SBNO2: variants seen among roughly 807,000 people sequenced by gnomAD.
SBNO2 encodes the protein strawberry notch homolog 2.
Under a neutral mutation model 146.3 loss-of-function variants are expected in SBNO2, and 89 were observed. The ratio of observed to expected loss-of-function variants is 0.61; its 90% CI spans 0.51 to 0.73. The LOEUF (loss-of-function observed/expected upper bound fraction) is 0.73, where lower values mean the gene tolerates loss of function less well. Ranked by LOEUF, SBNO2 falls within the 30% of genes least tolerant of loss-of-function variation. SBNO2 has a pLI of 0.00. For missense variants in SBNO2, 2,092 were observed against 2,003.7 expected, an observed-to-expected ratio of 1.04 and a Z score of -0.84; for synonymous variants, 1,147 against 892.6, an observed-to-expected ratio of 1.29 and a Z score of -5.08.
Position 1,114,292 on chromosome 19 carries a change from C to T in SBNO2, c.2016G>A (p.Glu672=). 1 of 1,553,138 alleles carries T rather than the reference C, an allele frequency of 6.4e-7. No homozygotes were observed. The highest frequency in any genetic ancestry group is 8.7e-7 in the Non-Finnish European group (1 of 1,148,396). The part of the protein sequence containing the change: ...GLDSDFNSSP[E]SLVDDDVVIV... ...TGACAACGTCGTCATCCACCAGGGA[C>T]TCGGGGGAGGAGTTGAAGTCGCTGT... The change falls in exon 18 of 32, where the codon GAG becomes GAA. Residue 672 remains glutamate (E), a synonymous_variant. Coordinates refer to ENST00000361757, the MANE Select transcript of SBNO2 (RefSeq NM_014963.3).
Position 1,113,607 on chromosome 19 carries a change from C to G in SBNO2, c.2175G>C (p.Leu725=), listed in dbSNP as rs1438769116. Residue 725 remains leucine, a synonymous_variant, in exon 19 of 32, where the codon CTG becomes CTC. Transcript: ENST00000361757. ...GGGTGTTGACTGGCAGTTCCCGGCC[C>G]AGCCGCCGCACTTTGTCCAGCAGAT... ...KQDLLDKVRR[L]GRELPVNTLD... 3 of 1,597,928 alleles carry G rather than the reference C, an allele frequency of 1.9e-6. No individual in the cohort carries two copies. The highest frequency in any genetic ancestry group is 2.6e-6 in the Non-Finnish European group (3 of 1,174,350).
intron 1 of SBNO2, among the ~76,000 whole-genome samples, chr19:1,161,400 G>C (rs1368808850): frequency 1.3e-5 from 1 of 76,944 alleles, no homozygotes; most frequent in Admixed American, 1.2e-4. Context: ...CCTGAGTACT[G>C]GGTACTGGGG....
intron 3 of SBNO2, among the ~76,000 whole-genome samples, chr19:1,147,745 G>C (rs991516784): frequency 2.6e-5 from 4 of 152,034 alleles, no homozygotes; most frequent in African/African-American, 9.7e-5. Flanking sequence ...GGTTCATTCT[G>C]GCGATTCAGA....
At chr19:1,165,242 A>T (rs1364943931) in intron 1 of SBNO2, among the ~76,000 whole-genome samples, 1 of 152,094 alleles carries the variant, frequency 6.6e-6, no homozygotes, top group Non-Finnish European at 1.5e-5. Context: ...CCACAGCCCC[A>T]CCAGGCATGG....
At chr19:1,156,840 G>C (rs1676408027) in intron 1 of SBNO2, among the ~76,000 whole-genome samples, 2 of 108,452 alleles carry the variant, frequency 1.8e-5, no homozygotes, top group South Asian at 6.9e-4. Flanking sequence ...GGGCGACCCT[G>C]CACCCGGGGC....
Position 1,147,429 on chromosome 19 carries a change from A to ACG in SBNO2, c.168-10_168-9insCG. ...CGGAGCTCATGAACGGGCTGGAGGG[A>ACG]GATGGGGGGGGGGGAGGTGAGATGG... On this transcript the variant is annotated splice_polypyrimidine_tract_variant and intron_variant, in intron 3 of 31. Transcript: ENST00000361757. The ACG allele has an allele frequency of 1.7e-6, 1 of 596,806 alleles. No individual in the cohort carries two copies. Among genetic ancestry groups the ACG allele is most frequent in the Non-Finnish European group, 2.6e-6 (1 of 391,304 alleles). The allele number at this position is 596,806 out of a possible 1,614,324, so 37.0% of individuals were successfully genotyped here.
intron 7 of SBNO2, 138 bp from the exon 8 acceptor site, chr19:1,123,183 C>T (rs979110162): frequency 3.3e-5 from 33 of 1,009,418 alleles, no homozygotes; most frequent in Middle Eastern, 3.1e-4. Flanking sequence ...TCCCGTTGGG[C>T]GGGTCATGGG....
intron 4 of SBNO2, chr19:1,132,153 G>T (rs1393050209): frequency 6.8e-7 from 1 of 1,471,720 alleles, no homozygotes; most frequent in Non-Finnish European, 9.0e-7. Context: ...CGCTCGGGGG[G>T]CCAGGGGTCC....
At chr19:1,124,067 C>T (rs1196217422) in intron 5 of SBNO2, 45 bp from the exon 6 acceptor site, 1 of 1,580,450 alleles carries the variant, frequency 6.3e-7, no homozygotes, top group African/African-American at 1.3e-5. Flanking sequence ...CGGGACAGGT[C>T]ACAGCTGGTG....
chr19:1,135,439 G>A (rs1402612324), intron 4 of SBNO2, among the ~76,000 whole-genome samples: 2 of 152,262 alleles, frequency 1.3e-5, no homozygotes. Context: ...GAAACAGAAA[G>A]AACAAGCACA....
At chr19:1,108,999 G>C (rs2079715489) in intron 30 of SBNO2, 30 bp from the exon 31 acceptor site, 2 of 1,494,048 alleles carry the variant, frequency 1.3e-6, no homozygotes, top group African/African-American at 1.4e-5. Flanking sequence ...TCTCGGCTCA[G>C]GCGGGTCCCA....
rs182197902 is a variant in SBNO2 at position 1,117,331 on chromosome 19, G to T, written c.1696C>A (p.Arg566=). The T allele has an allele frequency of 3.2e-6, 5 of 1,566,150 alleles. No homozygotes were observed. The East Asian group carries it at 7.1e-5, about 22-fold the overall frequency. ...LVELAREELA[R]DKCVVIGLQS... is the part of the protein sequence containing the mutation. ...AGGCCGCAGCCGCTCACCTTGTCTC[G>T]CGCCAGCTCCTCTCGGGCCAGCTCC... Residue 566 remains arginine, a synonymous_variant, in exon 15 of 32, where the codon CGA becomes AGA. Transcript: ENST00000361757.
At chr19:1,142,876 A>G (rs2080154284) in intron 4 of SBNO2, among the ~76,000 whole-genome samples, 1 of 152,162 alleles carries the variant, frequency 6.6e-6, no homozygotes, top group South Asian at 2.1e-4. Context: ...CTGAGGCAGG[A>G]GAATCGCTTG....
chr19:1,125,358 CAAA>C (rs35572800), intron 5 of SBNO2, among the ~76,000 whole-genome samples: 3 of 53,154 alleles, frequency 5.6e-5, no homozygotes, highest in Non-Finnish European at 1.1e-4. Context: ...GACTCCATCT[CAAA>C]AAAAAAAAAA....
At chr19:1,170,876 A>G (rs528075125) in intron 1 of SBNO2, among the ~76,000 whole-genome samples, 1 of 152,172 alleles carries the variant, frequency 6.6e-6, no homozygotes, top group South Asian at 2.1e-4. Flanking sequence ...AACACACACA[A>G]AATACATGTG....
Position 1,122,695 on chromosome 19 carries a change from G to A in SBNO2, c.877C>T (p.Leu293=). The stretch of plus-strand genomic sequence containing the variant: ...TTCCGGCCGCGCAGGTGGTTCTCCA[G>A]GATGACTCCGGCCACCGTCCGGCCT... ...GKGRTVAGVI[L]ENHLRGRKKA... is the part of the protein sequence containing the mutation. Residue 293 remains leucine, a synonymous_variant, in exon 9 of 32, where the codon CTG becomes TTG. Coordinates refer to ENST00000361757, the MANE Select transcript of SBNO2 (RefSeq NM_014963.3). 1 of 1,536,044 alleles carries A rather than the reference G, an allele frequency of 6.5e-7. No homozygotes were observed. Among genetic ancestry groups the A allele is most frequent in the African/African-American group, 1.4e-5 (1 of 72,950 alleles).
intron 4 of SBNO2, chr19:1,132,094 T>C (rs779143370): frequency 1.3e-6 from 2 of 1,540,996 alleles, no homozygotes; most frequent in South Asian, 1.2e-5. Flanking sequence ...TGTTACCTTG[T>C]TCAGAGCCTC....
At position 1,173,041 on chromosome 19, in the gene SBNO2, G is replaced by C. The variant is rs1028730877; in HGVS notation, c.-127+1131C>G. Among the ~76,000 whole-genome samples, 3 of 150,730 alleles carry C rather than the reference G, an allele frequency of 2.0e-5. No homozygotes were observed. The highest frequency in any genetic ancestry group is 3.0e-5 in the Non-Finnish European group (2 of 67,768). On this transcript the variant is annotated intron_variant, in intron 1 of 31. Transcript: ENST00000361757. The surrounding 1 kb of genome is among the most constrained non-coding windows in gnomAD (Gnocchi z 4.7). ...CAGAATGTTAATCAGTTCATCCAGG[G>C]AGACACCCACCGTCCCTGCCCCAGC...
rs764277288 is a variant in SBNO2 at position 1,112,358 on chromosome 19, TTGGGGGCGGGGCCAGGCAGCGC to T, written c.2515+22_2515+43del. 92 of 1,570,370 alleles carry T rather than the reference TTGGGGGCGGGGCCAGGCAGCGC, an allele frequency of 5.9e-5. No homozygotes were observed. The Admixed American group carries it at 6.4e-4, about 11-fold the overall frequency. ...AGGCGGGGGCGGGGCCGAGACCATGTTGGGGGCGGGGCCAGGCAGCGCTGGGGGCGGGGCCGGACTCACCGAA... is the reference window on the plus strand; with the variant it reads ...AGGCGGGGGCGGGGCCGAGACCATGTTGGGGGCGGGGCCGGACTCACCGAA... On this transcript the variant is annotated intron_variant, in intron 21 of 31. Coordinates refer to ENST00000361757, the MANE Select transcript of SBNO2 (RefSeq NM_014963.3). The surrounding 1 kb of genome is among the most constrained non-coding windows in gnomAD (Gnocchi z 5.9).
Sources: allele counts gnomAD v4.1 joint callset (sites outside exome capture counted in the v4.1 genomes callset), GRCh38; gene constraint gnomAD v4.1.1; non-coding constraint Gnocchi (gnomAD v3.1); transcripts MANE v1.5; gene names NCBI Gene and HGNC (gene_info 2026-07-23, HGNC 2026-07-21).